The following SDE2 variants were observed in gnomAD, a reference collection of about 807,000 sequenced individuals.
SDE2 encodes splicing regulator SDE2.
Under a neutral mutation model 46.9 loss-of-function variants are expected in SDE2, and 31 were observed. The ratio of observed to expected loss-of-function variants is 0.66; its 90% CI spans 0.50 to 0.89. The LOEUF (loss-of-function observed/expected upper bound fraction) is 0.89, where lower values mean the gene tolerates loss of function less well. Among genes scored for constraint, SDE2 ranks in the 40% least tolerant of loss-of-function variants. The pLI is 0.00. For synonymous variants in SDE2, 205 were observed against 204.3 expected, an observed-to-expected ratio of 1.00 and a Z score of -0.03; for missense variants, 542 against 564.4, an observed-to-expected ratio of 0.96 and a Z score of 0.40.
Position 225,995,320 on chromosome 1 carries a change from C to A in SDE2, c.184G>T (p.Val62Leu). 1 of 1,613,412 alleles carries A rather than the reference C, an allele frequency of 6.2e-7. No individual in the cohort carries two copies. Among genetic ancestry groups the A allele is most frequent in the African/African-American group, 1.3e-5 (1 of 75,044 alleles). Residue 62 changes from valine (V) to leucine (L), a missense_variant, in exon 2 of 7, where the codon GTG becomes TTG. Val to Leu is a conservative substitution (Grantham distance 32, BLOSUM62 1). Transcript: ENST00000272091. ...NGALINTSDT[V>L]QHGAVYSLEP... ...AAACTATAAACAGCTCCATGCTGCA[C>A]TGTGTCACTGGTGTTAATGAGTGCT...
Position 225,992,396 on chromosome 1 carries a change from A to T in SDE2, c.520+2T>A. 1 of 1,611,884 alleles carries T rather than the reference A, an allele frequency of 6.2e-7. No homozygotes were observed. Among genetic ancestry groups the T allele is most frequent in the Non-Finnish European group, 8.5e-7 (1 of 1,178,804 alleles). ...AACACACTAAGGAATCCTCATTCTCACCTTTGAGGACGGAATCCTCCAGAC... is the reference window on the plus strand; with the variant it reads ...AACACACTAAGGAATCCTCATTCTCTCCTTTGAGGACGGAATCCTCCAGAC... On this transcript the variant is annotated splice_donor_variant, in intron 4 of 6. Transcript: ENST00000272091. LOFTEE classifies it high-confidence loss of function.
At chr1:225,987,060 T>G (rs1656284220) in intron 6 of SDE2, among the ~76,000 whole-genome samples, 1 of 152,222 alleles carries the variant, frequency 6.6e-6, no homozygotes, top group African/African-American at 2.4e-5. Context: ...TATTATTTTT[T>G]GAGATGGAGT....
intron 3 of SDE2, 46 bp from the exon 4 acceptor site, chr1:225,992,613 T>C (rs1656427928): frequency 1.7e-6 from 2 of 1,154,862 alleles, no homozygotes; most frequent in South Asian, 2.6e-5. Context: ...ATATATTACA[T>C]ATACACTTTT....
chr1:225,986,197 TGCGTGCCTGTAGTCTCA>T (rs997693858), intron 6 of SDE2, among the ~76,000 whole-genome samples: 43 of 152,082 alleles, frequency 2.8e-4, no homozygotes, highest in African/African-American at 8.4e-4. Context: ...GGTGTGGTGG[TGCGTGCCTGTAGTCTCA>T]GCGTGCCTGT....
At chr1:225,994,249 A>G (rs1412838300) in intron 2 of SDE2, among the ~76,000 whole-genome samples, 1 of 151,786 alleles carries the variant, frequency 6.6e-6, no homozygotes, top group African/African-American at 2.4e-5. Context: ...GCTAATTTTT[A>G]TATCTCTAGT....
intron 6 of SDE2, among the ~76,000 whole-genome samples, chr1:225,987,576 T>C (rs114894044): frequency 1.3e-5 from 2 of 152,236 alleles, no homozygotes; most frequent in African/African-American, 4.8e-5. Context: ...CATTCATGTA[T>C]TACTAAGAAT....
At chr1:225,995,063 A>C (rs1171451073) in intron 2 of SDE2, among the ~76,000 whole-genome samples, 1 of 152,176 alleles carries the variant, frequency 6.6e-6, no homozygotes, top group Admixed American at 6.6e-5. Context: ...AAAACAAAAG[A>C]ATAAGAGAGA....
chr1:225,997,517 C>A (rs1289214303), intron 1 of SDE2, among the ~76,000 whole-genome samples: 1 of 152,148 alleles, frequency 6.6e-6, no homozygotes, highest in African/African-American at 2.4e-5. Flanking sequence ...GCAACCTCCA[C>A]CTCTCAGGTT....
At position 225,987,889 on chromosome 1, in the gene SDE2, T is replaced by C; in HGVS notation, c.1134+7A>G. On this transcript the variant is annotated splice_region_variant and intron_variant, in intron 6 of 6. Coordinates refer to ENST00000272091, the MANE Select transcript of SDE2 (RefSeq NM_152608.4). ...GGCTCTAGGTATCAACCCCAAAACATACTTACTGCGTTTCCTGGCTGGCTT... is the reference window on the plus strand; with the variant it reads ...GGCTCTAGGTATCAACCCCAAAACACACTTACTGCGTTTCCTGGCTGGCTT... 4 of 1,607,846 alleles carry C rather than the reference T, an allele frequency of 2.5e-6. No individual in the cohort carries two copies. Among genetic ancestry groups the C allele is most frequent in the Non-Finnish European group, 3.4e-6 (4 of 1,177,562 alleles).
chr1:225,985,549 T>G, intron 6 of SDE2, 26 bp from the exon 7 acceptor site: 2 of 1,403,488 alleles, frequency 1.4e-6, no homozygotes, highest in Non-Finnish European at 2.0e-6. Context: ...AAGAAAATAT[T>G]TAAAACAGGC....
chr1:225,997,659 G>A (rs1434151204), intron 1 of SDE2, among the ~76,000 whole-genome samples: 2 of 151,996 alleles, frequency 1.3e-5, no homozygotes, highest in East Asian at 1.9e-4. Context: ...TCGAACTTCT[G>A]ACCTCAGGTG....
chr1:225,997,730 C>T (rs549105682), intron 1 of SDE2, among the ~76,000 whole-genome samples: 1 of 152,314 alleles, frequency 6.6e-6, no homozygotes, highest in African/African-American at 2.4e-5. Flanking sequence ...CACGCCTGGC[C>T]TATATTTCTT....
intron 4 of SDE2, 59 bp downstream of exon 4, chr1:225,992,339 G>T: frequency 7.5e-7 from 1 of 1,335,658 alleles, no homozygotes; most frequent in Non-Finnish European, 1.1e-6. Context: ...GTGTAGAGCA[G>T]TCTGAACAGC....
Position 225,991,333 on chromosome 1 carries a change from G to A in SDE2, c.551C>T (p.Ser184Leu), listed in dbSNP as rs377667004. The change falls in exon 5 of 7, where the codon TCA becomes TTA. Residue 184 changes from serine (S) to leucine (L), a missense_variant. Coordinates refer to ENST00000272091, the MANE Select transcript of SDE2 (RefSeq NM_152608.4). The part of the protein sequence containing the change: ...GMQAASSKMV[S>L]AEISENRKRQ... ...TTTCCGATTCTCACTGATTTCTGCTGAAACCATCTTGCTGGAGGCAGCCTG... is the reference window on the plus strand; with the variant it reads ...TTTCCGATTCTCACTGATTTCTGCTAAAACCATCTTGCTGGAGGCAGCCTG... The A allele has an allele frequency of 1.2e-4, 198 of 1,613,718 alleles. 1 individual carries two copies. Among genetic ancestry groups the A allele is most frequent in the Middle Eastern group, 4.9e-4 (3 of 6,084 alleles).
At chr1:225,993,674 TA>T (rs1236741928) in intron 2 of SDE2, among the ~76,000 whole-genome samples, 1 of 152,050 alleles carries the variant, frequency 6.6e-6, no homozygotes, top group African/African-American at 2.4e-5. Flanking sequence ...ATTAAGAACT[TA>T]AAAAGTATAT....
intron 1 of SDE2, among the ~76,000 whole-genome samples, chr1:225,998,189 A>T (rs909766044): frequency 2.0e-5 from 3 of 152,194 alleles, no homozygotes; most frequent in Non-Finnish European, 4.4e-5. Flanking sequence ...TTTCAAAGGA[A>T]TTAGAATGCA....
chr1:225,997,070 C>G (rs899664277), intron 1 of SDE2, among the ~76,000 whole-genome samples: 2 of 152,178 alleles, frequency 1.3e-5, no homozygotes, highest in African/African-American at 2.4e-5. Flanking sequence ...AATAAGAAAG[C>G]AGCAGACCTT....
chr1:225,991,453 T>C, intron 4 of SDE2, 90 bp from the exon 5 acceptor site: 1 of 940,382 alleles, frequency 1.1e-6, no homozygotes, highest in Non-Finnish European at 1.6e-6. Flanking sequence ...AGAGCTGCAA[T>C]CTACAGCTCC....
In SDE2 at chr1:225,991,274, CTCTG is replaced by C. The variant is rs1347291038; in HGVS notation, c.606_609del (p.Asp202GlufsTer18). On this transcript the variant is annotated frameshift_variant, in exon 5 of 7. Coordinates refer to ENST00000272091, the MANE Select transcript of SDE2 (RefSeq NM_152608.4). LOFTEE classifies it high-confidence loss of function. ...CATCTCCTCTTTCCCGCACTGGCTC[CTCTG>C]TCTGTTTGAGATTTAGTAGGCCATT... The C allele has an allele frequency of 4.3e-6, 7 of 1,613,762 alleles. No individual in the cohort carries two copies. The East Asian group carries it at 6.7e-5, about 15-fold the overall frequency.
Sources: allele counts gnomAD v4.1 joint callset (sites outside exome capture counted in the v4.1 genomes callset), GRCh38; gene constraint gnomAD v4.1.1; transcripts MANE v1.5; gene names NCBI Gene and HGNC (gene_info 2026-07-23, HGNC 2026-07-21).